CGGBP1: variants seen among roughly 807,000 people sequenced by gnomAD.
CGGBP1 encodes the protein CGG triplet repeat-binding protein 1.
Under a neutral mutation model 11.4 loss-of-function variants are expected in CGGBP1, and 4 were observed. That is an observed-to-expected ratio of 0.35 (90% confidence interval 0.17 to 0.80). The LOEUF (loss-of-function observed/expected upper bound fraction) is 0.80, where lower values mean the gene tolerates loss of function less well. Among genes scored for constraint, CGGBP1 ranks in the 30% least tolerant of loss-of-function variants. The pLI is 0.52. For missense variants in CGGBP1, 135 were observed against 202.1 expected (o/e 0.67, Z 2.01); for synonymous variants, 76 against 74.1 (o/e 1.03, Z -0.13).
chr3:88,130,306 T>G (rs1370350634), intron 2 of CGGBP1, among the ~76,000 whole-genome samples: 3 of 152,216 alleles, frequency 2.0e-5, no homozygotes, highest in African/African-American at 7.2e-5. Flanking sequence ...TCATTAATTC[T>G]TAACAGAAAA....
At position 88,054,195 on chromosome 3, in the gene CGGBP1, G is replaced by A. The variant is rs548233499; in HGVS notation, c.*1278C>T. 6.6e-6 allele frequency: 1 copy of A among 152,564 alleles called. No individual in the cohort carries two copies. Among genetic ancestry groups the A allele is most frequent in the African/African-American group, 2.4e-5 (1 of 41,442 alleles). 9.5% of individuals were successfully genotyped at this position (152,564 alleles called of 1,614,324 possible). ...AAGTATTTTTAACTTGAATTTCAAAGAATTTAAGATTTTTTATTAAAGCTC... is the reference window on the plus strand; with the variant it reads ...AAGTATTTTTAACTTGAATTTCAAAAAATTTAAGATTTTTTATTAAAGCTC... On this transcript the variant is annotated 3_prime_UTR_variant, in exon 4 of 4. Transcript: ENST00000482016.
chr3:88,098,714 G>A (rs1165099023), intron 2 of CGGBP1, among the ~76,000 whole-genome samples: 1 of 152,136 alleles, frequency 6.6e-6, no homozygotes, highest in African/African-American at 2.4e-5. Context: ...CATATAAACA[G>A]AACCAAAGAC....
At chr3:88,077,170 A>G (rs764709612) in intron 2 of CGGBP1, among the ~76,000 whole-genome samples, 3 of 152,210 alleles carry the variant, frequency 2.0e-5, no homozygotes, top group Non-Finnish European at 2.9e-5. Flanking sequence ...AGATAAAAAT[A>G]TAAGAATCAG....
At chr3:88,091,015 T>C (rs1366651940) in intron 2 of CGGBP1, among the ~76,000 whole-genome samples, 1 of 152,254 alleles carries the variant, frequency 6.6e-6, no homozygotes, top group Non-Finnish European at 1.5e-5. Context: ...TCTGTTTAGA[T>C]ACACAAATAC....
In CGGBP1 at chr3:88,099,389, C is replaced by T. The variant is rs1225944655; in HGVS notation, c.-228-41166G>A. On this transcript the variant is annotated intron_variant, in intron 2 of 3. Transcript: ENST00000462901. ...ATAGGAAGAATCAATATTGTGAAAA[C>T]GGCCATACTGCCCAAGGTAATTTAT... 9.2e-5 allele frequency among the ~76,000 whole-genome samples: 14 copies of T among 152,182 alleles called. 1 individual carries two copies. The South Asian group carries it at 1.2e-3, about 14-fold the overall frequency.
intron 2 of CGGBP1, among the ~76,000 whole-genome samples, chr3:88,104,817 T>C (rs1704634921): frequency 1.3e-5 from 2 of 152,194 alleles, no homozygotes; most frequent in Admixed American, 1.3e-4. Context: ...ATTAAGATGA[T>C]AGGGTTTAAT....
chr3:88,080,812 A>G (rs1708038042), intron 2 of CGGBP1, among the ~76,000 whole-genome samples: 1 of 152,230 alleles, frequency 6.6e-6, no homozygotes. Context: ...AGGTTGGAAC[A>G]GACAGATTTG....
At position 88,094,755 on chromosome 3, in the gene CGGBP1, G is replaced by C. The variant is rs142513634; in HGVS notation, c.-228-36532C>G. Among the ~76,000 whole-genome samples the C allele has an allele frequency of 3.8e-3, 576 of 152,124 alleles. 6 individuals are homozygous for C. The highest frequency in any genetic ancestry group is 0.013 in the African/African-American group (546 of 41,514). On this transcript the variant is annotated intron_variant, in intron 2 of 3. Coordinates refer to the CGGBP1 transcript ENST00000462901. ...TTTGAATGGCTTAATCTTGTGCTAA[G>C]TCAGATCATTAAAAAACTACAGAGC...
At chr3:88,084,400 G>A (rs1331394505) in intron 2 of CGGBP1, among the ~76,000 whole-genome samples, 1 of 152,136 alleles carries the variant, frequency 6.6e-6, no homozygotes, top group African/African-American at 2.4e-5. Context: ...CAATAAAGCT[G>A]GTCAAAGACT....
chr3:88,128,202 A>G (rs1706233807), intron 2 of CGGBP1, among the ~76,000 whole-genome samples: 1 of 152,088 alleles, frequency 6.6e-6, no homozygotes, highest in Non-Finnish European at 1.5e-5. Flanking sequence ...GTGTTTATAT[A>G]TTTTAAAATT....
intron 2 of CGGBP1, among the ~76,000 whole-genome samples, chr3:88,110,001 T>C (rs1029428528): frequency 6.6e-6 from 1 of 152,130 alleles, no homozygotes; most frequent in African/African-American, 2.4e-5. Flanking sequence ...GACATATGCA[T>C]AGCTGAGCAG....
chr3:88,108,098 T>C (rs181080664), intron 2 of CGGBP1, among the ~76,000 whole-genome samples: 1 of 152,176 alleles, frequency 6.6e-6, no homozygotes, highest in South Asian at 2.1e-4. Flanking sequence ...CTGGAGATAT[T>C]ACTAGCTTGG....
intron 2 of CGGBP1, chr3:88,140,156 G>A (rs780101740): frequency 1.4e-5 from 22 of 1,613,288 alleles, no homozygotes; most frequent in African/African-American, 2.7e-5. Context: ...TTAAGCTGCC[G>A]TTCCAGCTTG....
intron 2 of CGGBP1, among the ~76,000 whole-genome samples, chr3:88,108,008 G>A (rs1704850413): frequency 6.6e-6 from 1 of 151,722 alleles, no homozygotes; most frequent in Non-Finnish European, 1.5e-5. Context: ...TTTATATTGT[G>A]TTTGTATTTT....
chr3:88,125,497 T>G (rs1339708351), intron 2 of CGGBP1, among the ~76,000 whole-genome samples: 1 of 69,380 alleles, frequency 1.4e-5, no homozygotes, highest in African/African-American at 3.6e-5. Context: ...ACAATACATC[T>G]TTATCTTAAA....
intron 2 of CGGBP1, chr3:88,095,705 T>A: frequency 2.5e-6 from 1 of 404,010 alleles, no homozygotes; most frequent in Non-Finnish European, 4.7e-6. Flanking sequence ...GAAATTGGAT[T>A]TCTTTGCTAC....
intron 2 of CGGBP1, among the ~76,000 whole-genome samples, chr3:88,100,911 TAACA>T (rs1034134644): frequency 3.3e-5 from 5 of 152,192 alleles, no homozygotes; most frequent in Admixed American, 6.5e-5. Flanking sequence ...TATACATATG[TAACA>T]AACCTGCACG....
chr3:88,146,985 C>T (rs776396860), intron 1 of CGGBP1, among the ~76,000 whole-genome samples: 1 of 152,204 alleles, frequency 6.6e-6, no homozygotes, highest in Non-Finnish European at 1.5e-5. Flanking sequence ...TACCCTTACC[C>T]TCCCCTTCAA....
chr3:88,095,654 C>T (rs773055285), intron 2 of CGGBP1: 4 of 485,462 alleles, frequency 8.2e-6, no homozygotes, highest in Non-Finnish European at 1.6e-5. Flanking sequence ...TATCATCACT[C>T]TGTTCTCTTT....
Sources: allele counts gnomAD v4.1 joint callset (sites outside exome capture counted in the v4.1 genomes callset), GRCh38; gene constraint gnomAD v4.1.1; transcripts MANE v1.5; gene names NCBI Gene and HGNC (gene_info 2026-07-23, HGNC 2026-07-21).